Variants in NAA50 observed in about 807,000 individuals in gnomAD.
NAA50 encodes N-alpha-acetyltransferase 50.
A neutral mutation model predicts 20.7 loss-of-function variants in NAA50; 7 were observed. That is an observed-to-expected ratio of 0.34 (90% CI 0.19 to 0.63). The LOEUF (loss-of-function observed/expected upper bound fraction) is 0.63. Ranked by LOEUF, NAA50 falls within the 30% of genes least tolerant of loss-of-function variation. The probability of loss-of-function intolerance (pLI) is 0.75; values close to 1 mark genes in which losing one functional copy is unlikely to be tolerated. For synonymous variants in NAA50, 54 were observed against 70.6 expected (o/e 0.77, Z 1.18); for missense variants, 111 against 199.1 (o/e 0.56, Z 2.66).
chr3:113,744,070 T>G (rs1466824716), intron 1 of NAA50, among the ~76,000 whole-genome samples: 1 of 152,218 alleles, frequency 6.6e-6, no homozygotes, highest in African/African-American at 2.4e-5. Flanking sequence ...TGGGAACTCT[T>G]CAGCCTCATT....
intron 1 of NAA50, among the ~76,000 whole-genome samples, chr3:113,727,739 C>T (rs751534497): frequency 4.6e-5 from 7 of 151,648 alleles, no homozygotes; most frequent in East Asian, 1.9e-4. Context: ...TTTTTCTATG[C>T]GCGTTATATA....
At position 113,728,508 on chromosome 3, in the gene NAA50, G is replaced by A. The variant is rs548920786; in HGVS notation, c.9-4413C>T. ...ACTAGCTTATCCTGTGGAAGGGCAAGAGATGCAGTCTAATAAAACATGAAC... is the reference window on the plus strand; with the variant it reads ...ACTAGCTTATCCTGTGGAAGGGCAAAAGATGCAGTCTAATAAAACATGAAC... On this transcript the variant is annotated intron_variant, in intron 1 of 4. Coordinates refer to ENST00000240922, the MANE Select transcript of NAA50 (RefSeq NM_025146.4). Among the ~76,000 whole-genome samples, 3 of 152,312 alleles carry A rather than the reference G, an allele frequency of 2.0e-5. No homozygotes were observed. In the South Asian group the frequency reaches 6.2e-4, roughly 32 times the overall value.
At chr3:113,745,771 C>G (rs934467153) in intron 1 of NAA50, 171 bp downstream of exon 1, 2 of 798,654 alleles carry the variant, frequency 2.5e-6, no homozygotes, top group African/African-American at 3.6e-5. Context: ...CGCCAACAGC[C>G]CGAGCCTCGC....
chr3:113,745,662 T>C (rs1708484497), intron 1 of NAA50: 1 of 444,052 alleles, frequency 2.3e-6, no homozygotes, highest in South Asian at 3.9e-5. Context: ...CTTTCCATGT[T>C]GCCCCACTCG....
chr3:113,722,734 T>C lies in NAA50; in HGVS notation c.332+172A>G, dbSNP rs80235353. ...CTATCTCAGGTTCCTAATCTACTATTATTAATAAAACAAAACTAAACAAAA... is the reference window on the plus strand; with the variant it reads ...CTATCTCAGGTTCCTAATCTACTATCATTAATAAAACAAAACTAAACAAAA... On this transcript the variant is annotated intron_variant, in intron 4 of 4. Coordinates refer to ENST00000240922, the MANE Select transcript of NAA50 (RefSeq NM_025146.4). Among the ~76,000 whole-genome samples, 694 of 152,256 alleles carry C rather than the reference T, an allele frequency of 4.6e-3. 15 individuals are homozygous for C. The highest frequency in any genetic ancestry group is 0.034 in the Admixed American group (514 of 15,280).
intron 1 of NAA50, among the ~76,000 whole-genome samples, chr3:113,736,149 G>T (rs1038843553): frequency 6.6e-6 from 1 of 152,210 alleles, no homozygotes; most frequent in Non-Finnish European, 1.5e-5. Context: ...CCTACCTGTA[G>T]AAAATTGAAG....
intron 1 of NAA50, among the ~76,000 whole-genome samples, chr3:113,742,307 G>C (rs1005907686): frequency 2.4e-4 from 37 of 152,098 alleles, no homozygotes; most frequent in Non-Finnish European, 2.9e-5. Flanking sequence ...TGTTGCCCAG[G>C]CTGAAATATA....
At chr3:113,722,379 A>C (rs1708146242) in intron 4 of NAA50, among the ~76,000 whole-genome samples, 1 of 152,196 alleles carries the variant, frequency 6.6e-6, no homozygotes, top group African/African-American at 2.4e-5. Flanking sequence ...AATTACTCCC[A>C]AAATAACACT....
chr3:113,743,282 G>C (rs1036879491), intron 1 of NAA50, among the ~76,000 whole-genome samples: 21 of 152,210 alleles, frequency 1.4e-4, no homozygotes, highest in Admixed American at 1.3e-4. Context: ...CTGGCTTCGT[G>C]TTGGGACTTC....
intron 1 of NAA50, among the ~76,000 whole-genome samples, chr3:113,742,226 A>G (rs185344311): frequency 8.5e-5 from 13 of 152,306 alleles, no homozygotes; most frequent in African/African-American, 3.1e-4. Context: ...GGTTTTGCTG[A>G]AAAACAAAAC....
intron 1 of NAA50, among the ~76,000 whole-genome samples, chr3:113,734,779 C>T (rs1479744630): frequency 6.6e-6 from 1 of 152,168 alleles, no homozygotes; most frequent in East Asian, 1.9e-4. Flanking sequence ...AGTGTCCAGA[C>T]AGTCTGTTAT....
intron 1 of NAA50, among the ~76,000 whole-genome samples, chr3:113,742,273 G>GT (rs1232495758): frequency 5.9e-5 from 9 of 152,074 alleles, no homozygotes; most frequent in African/African-American, 2.2e-4. Flanking sequence ...GTTTTGTTTT[G>GT]TTTTTTAAGA....
In NAA50 at chr3:113,717,443, T is replaced by A. The variant is rs757941850; in HGVS notation, c.*4317A>T. 1 of 152,206 alleles carries A rather than the reference T, an allele frequency of 6.6e-6. No homozygotes were observed. Among genetic ancestry groups the A allele is most frequent in the Non-Finnish European group, 1.5e-5 (1 of 68,042 alleles). The allele number at this position is 152,206 out of a possible 1,614,324, so 9.4% of individuals were successfully genotyped here. On this transcript the variant is annotated 3_prime_UTR_variant, in exon 5 of 5. Transcript: ENST00000240922. The stretch of plus-strand genomic sequence containing the variant: ...GTAACAGATCGTTCTCTGACTTAAA[T>A]AATTCTCAATGTTCTACCAAGTTAA...
At chr3:113,723,689 A>G in intron 2 of NAA50, 148 bp from the exon 3 acceptor site, 1 of 1,050,762 alleles carries the variant, frequency 9.5e-7, no homozygotes, top group South Asian at 2.0e-5. Flanking sequence ...CTCTTATGCC[A>G]TCTTAGGAAG....
At chr3:113,726,412 G>A (rs1708200267) in intron 1 of NAA50, among the ~76,000 whole-genome samples, 1 of 151,492 alleles carries the variant, frequency 6.6e-6, no homozygotes, top group African/African-American at 2.4e-5. Context: ...CTCATTCACA[G>A]AACTCCCCCT....
At chr3:113,732,776 A>G (rs538289274) in intron 1 of NAA50, among the ~76,000 whole-genome samples, 65 of 152,324 alleles carry the variant, frequency 4.3e-4, no homozygotes, top group Non-Finnish European at 7.9e-4. Flanking sequence ...ACACTATTTA[A>G]AATCACTCTG....
Position 113,727,405 on chromosome 3 carries a change from C to T in NAA50, c.9-3310G>A, listed in dbSNP as rs530773661. Among the ~76,000 whole-genome samples, 14 of 152,242 alleles carry T rather than the reference C, an allele frequency of 9.2e-5. No homozygotes were observed. In the East Asian group the frequency reaches 2.1e-3, roughly 23 times the overall value. ...TCATTTGTAGGTAGTAACTAGGCTT[C>T]AAGCATACTTACAGTTTTCAAAGAA... On this transcript the variant is annotated intron_variant, in intron 1 of 4. Coordinates refer to ENST00000240922, the MANE Select transcript of NAA50 (RefSeq NM_025146.4).
In NAA50 at chr3:113,718,717, A is replaced by G. The variant is rs1270583950; in HGVS notation, c.*3043T>C. The G allele has an allele frequency of 1.3e-5, 2 of 152,248 alleles. No individual in the cohort carries two copies. The highest frequency in any genetic ancestry group is 6.5e-5 in the Admixed American group (1 of 15,284). 9.4% of individuals were successfully genotyped at this position (152,248 alleles called of 1,614,324 possible). A position where few individuals can be genotyped will look rare whatever the true frequency, so the allele number is the denominator to read the frequency against. ...AGTGTCAAGTATTTCTAATAATTAC[A>G]TTAAAAATACAGCAGCAAGACAGTT... On this transcript the variant is annotated 3_prime_UTR_variant, in exon 5 of 5. Transcript: ENST00000240922.
In NAA50 at chr3:113,721,015, C is replaced by A. The variant is rs1420160782; in HGVS notation, c.*745G>T. On this transcript the variant is annotated 3_prime_UTR_variant, in exon 5 of 5. Coordinates refer to ENST00000240922, the MANE Select transcript of NAA50 (RefSeq NM_025146.4). ...AGCTGGGATATTAAAAAAAATTAAT[C>A]TCACCAGCCCAAATTCTAAAAGTTA... is the stretch of plus-strand genomic sequence containing the variant. The A allele has an allele frequency of 6.6e-6, 1 of 152,460 alleles. No individual in the cohort carries two copies. The highest frequency in any genetic ancestry group is 1.5e-5 in the Non-Finnish European group (1 of 67,986). The allele number at this position is 152,460 out of a possible 1,614,324, so 9.4% of individuals were successfully genotyped here. A position where few individuals can be genotyped will look rare whatever the true frequency, so the allele number is the denominator to read the frequency against.
Sources: allele counts gnomAD v4.1 joint callset (sites outside exome capture counted in the v4.1 genomes callset), GRCh38; gene constraint gnomAD v4.1.1; transcripts MANE v1.5; gene names NCBI Gene and HGNC (gene_info 2026-07-23, HGNC 2026-07-21).